The following DYNC1I2 variants were observed in gnomAD, a reference collection of about 807,000 sequenced individuals.
DYNC1I2 encodes the protein cytoplasmic dynein 1 intermediate chain 2.
In DYNC1I2, 53 loss-of-function variants were observed where a neutral mutation model predicts 88.6. The ratio of observed to expected loss-of-function variants is 0.60; its 90% CI spans 0.48 to 0.75. The LOEUF (loss-of-function observed/expected upper bound fraction) is 0.75. DYNC1I2 is among the 30% of genes least tolerant of loss of function. The pLI is 0.00. For missense variants in DYNC1I2, 458 were observed against 766.6 expected, an observed-to-expected ratio of 0.60 and a Z score of 4.75; for synonymous variants, 198 against 254.6, an observed-to-expected ratio of 0.78 and a Z score of 2.12.
At chr2:171,716,111 C>CA (rs531123301) in intron 7 of DYNC1I2, among the ~76,000 whole-genome samples, 82 of 145,164 alleles carry the variant, frequency 5.6e-4, no homozygotes, top group African/African-American at 1.3e-3. Context: ...TTATATCATA[C>CA]AAAAAAAAAA....
chr2:171,701,849 G>T (rs1228187270), intron 3 of DYNC1I2, among the ~76,000 whole-genome samples: 2 of 152,186 alleles, frequency 1.3e-5, no homozygotes, highest in East Asian at 3.8e-4. Context: ...AGGTTTTTCT[G>T]AGTGGGGCGG....
intron 5 of DYNC1I2, among the ~76,000 whole-genome samples, chr2:171,708,795 C>T (rs970913487): frequency 1.3e-5 from 2 of 151,998 alleles, no homozygotes; most frequent in Non-Finnish European, 2.9e-5. Flanking sequence ...TGGGCTCAAA[C>T]GATCCTCCCA....
chr2:171,726,244 A>C lies in DYNC1I2; in HGVS notation c.821A>C (p.Glu274Ala), dbSNP rs1390819275. ...TCATTAAATCGACAATTTTTTGACGAACGTTGGTCAAAGCATCGGGTGGTT... is the reference window on the plus strand; with the variant it reads ...TCATTAAATCGACAATTTTTTGACGCACGTTGGTCAAAGCATCGGGTGGTT... ...KLSLNRQFFD[E>A]RWSKHRVVSC... The change falls in exon 10 of 18, where the codon GAA becomes GCA. Residue 274 changes from glutamate (E) to alanine (A), a missense_variant. Around this residue, in one of 5 missense-constraint regions of DYNC1I2, gnomAD observed 203 missense variants for 354.2 expected, o/e 0.57. Transcript: ENST00000397119. 3 of 1,612,438 alleles carry C rather than the reference A, an allele frequency of 1.9e-6. No individual in the cohort carries two copies. The highest frequency in any genetic ancestry group is 2.5e-6 in the Non-Finnish European group (3 of 1,179,394).
rs185728168 is a variant in DYNC1I2 at position 171,733,098 on chromosome 2, G to A, written c.1536+3245G>A. On this transcript the variant is annotated intron_variant, in intron 15 of 17. Transcript: ENST00000397119. ...TATAAGTGAGAACATGTGGTATTTG[G>A]TTTTCTGTTCCTGCATTGGTTTGCT... Among the ~76,000 whole-genome samples the A allele has an allele frequency of 2.6e-5, 4 of 152,238 alleles. No homozygotes were observed. The East Asian group carries it at 5.8e-4, about 22-fold the overall frequency.
At chr2:171,729,589 C>A in intron 14 of DYNC1I2, 120 bp from the exon 15 acceptor site, 1 of 1,008,854 alleles carries the variant, frequency 9.9e-7, no homozygotes, top group Non-Finnish European at 1.4e-6. Flanking sequence ...AAGTTATGAG[C>A]ACAGAGTTAA....
rs142390719 is a variant in DYNC1I2, at chr2:171,714,244, T to C, written c.396-1084T>C. On this transcript the variant is annotated intron_variant, in intron 6 of 17. Transcript: ENST00000397119. The stretch of plus-strand genomic sequence containing the variant: ...AACTAGAAAAGACATTAAAAAATTG[T>C]TATGGCCCACATTTTGGAACATTAA... Among the ~76,000 whole-genome samples the C allele has an allele frequency of 8.1e-5, 12 of 148,016 alleles. No homozygotes were observed. In the East Asian group the frequency reaches 2.2e-3, roughly 27 times the overall value.
At chr2:171,734,980 C>T (rs768657268) in intron 15 of DYNC1I2, among the ~76,000 whole-genome samples, 1 of 152,224 alleles carries the variant, frequency 6.6e-6, no homozygotes, top group Non-Finnish European at 1.5e-5. Context: ...TCTTCACACT[C>T]ATGAATTTAA....
chr2:171,708,475 A>G (rs937918146), intron 5 of DYNC1I2, among the ~76,000 whole-genome samples: 1 of 152,184 alleles, frequency 6.6e-6, no homozygotes, highest in African/African-American at 2.4e-5. Flanking sequence ...TAGAACCAAA[A>G]TCACAAATCT....
At chr2:171,741,562 C>G (rs1689429732) in intron 15 of DYNC1I2, among the ~76,000 whole-genome samples, 1 of 152,184 alleles carries the variant, frequency 6.6e-6, no homozygotes, top group Non-Finnish European at 1.5e-5. Context: ...ATTGTAAGCA[C>G]TGTGGACACA....
rs369898794 is a variant in DYNC1I2 at position 171,747,829 on chromosome 2, A to T, written c.1857A>T (p.Ala619=). ...DEWARFGRTL[A]EINANRADAE... Reference sequence around the variant, plus strand: ...GGGCACGGTTTGGCCGAACACTTGCAGAAATTAATGCAAACCGAGCTGATG... The same window carrying T: ...GGGCACGGTTTGGCCGAACACTTGCTGAAATTAATGCAAACCGAGCTGATG... The change falls in exon 18 of 18, where the codon GCA becomes GCT. Residue 619 remains alanine, a synonymous_variant. Transcript: ENST00000397119. 1.9e-4 allele frequency: 301 copies of T among 1,611,534 alleles called. No individual in the cohort carries two copies. In the Middle Eastern group the frequency reaches 2.9e-3, roughly 15 times the overall value.
At position 171,715,354 on chromosome 2, in the gene DYNC1I2, C is replaced by G. The variant is rs1248838579; in HGVS notation, c.422C>G (p.Ala141Gly). The G allele has an allele frequency of 6.4e-7, 1 of 1,563,462 alleles. No individual in the cohort carries two copies. Among genetic ancestry groups the G allele is most frequent in the Admixed American group, 1.9e-5 (1 of 52,616 alleles). ...CGAGGACCTATTAAACTTGGAATGG[C>G]TAAAATCACGCAAGTCGACTTTCCT... ...LGRGPIKLGMAKITQVDFPPR... is the reference protein window; with the variant it reads ...LGRGPIKLGMGKITQVDFPPR... The change falls in exon 7 of 18, where the codon GCT becomes GGT. Residue 141 changes from alanine to glycine, a missense_variant. Physicochemically the swap from Ala to Gly is moderately conservative, Grantham distance 60. Coordinates refer to ENST00000397119, the MANE Select transcript of DYNC1I2 (RefSeq NM_001378.3).
At chr2:171,717,452 T>C (rs566584633) in intron 7 of DYNC1I2, among the ~76,000 whole-genome samples, 2 of 152,168 alleles carry the variant, frequency 1.3e-5, no homozygotes, top group South Asian at 4.2e-4. Context: ...GTAGATGTTC[T>C]GTATGTTCAT....
At chr2:171,739,855 GC>G (rs1375398900) in intron 15 of DYNC1I2, among the ~76,000 whole-genome samples, 1 of 151,606 alleles carries the variant, frequency 6.6e-6, no homozygotes, top group Non-Finnish European at 1.5e-5. Context: ...ACAGGCGCCC[GC>G]CACCATGCCT....
chr2:171,699,591 A>AGTGTGTGTGTGTGTGTGT (rs3223500), intron 3 of DYNC1I2, among the ~76,000 whole-genome samples: 3 of 137,822 alleles, frequency 2.2e-5, no homozygotes, highest in African/African-American at 5.5e-5. Flanking sequence ...CATCATTTGG[A>AGTGTGTGTGTGTGTGTGT]GTGTGTGTGT....
intron 16 of DYNC1I2, among the ~76,000 whole-genome samples, chr2:171,745,086 A>C (rs1431135800): frequency 6.6e-6 from 1 of 152,182 alleles, no homozygotes; most frequent in Non-Finnish European, 1.5e-5. Flanking sequence ...GACTAGTACA[A>C]ATTAGAAGGA....
intron 7 of DYNC1I2, among the ~76,000 whole-genome samples, chr2:171,723,203 C>T (rs563230421): frequency 8.1e-4 from 123 of 151,966 alleles, no homozygotes; most frequent in African/African-American, 2.8e-3. Flanking sequence ...ACTTAGAGGC[C>T]GTATAATACA....
chr2:171,700,127 C>T (rs574188628), intron 3 of DYNC1I2, among the ~76,000 whole-genome samples: 4 of 152,166 alleles, frequency 2.6e-5, no homozygotes, highest in South Asian at 4.1e-4. Flanking sequence ...GACTGAGGCT[C>T]GAGGACTTGC....
chr2:171,737,805 AT>A (rs71921844), intron 15 of DYNC1I2, among the ~76,000 whole-genome samples: 43,709 of 147,180 alleles, frequency 0.3, 6,587 homozygotes, highest in African/African-American at 0.38. Flanking sequence ...TGAGTAGATG[AT>A]TTTTTTTTTT....
At chr2:171,693,484 C>T (rs1424419569) in intron 3 of DYNC1I2, among the ~76,000 whole-genome samples, 1 of 152,214 alleles carries the variant, frequency 6.6e-6, no homozygotes, top group African/African-American at 2.4e-5. Flanking sequence ...ACAGGACAAT[C>T]TAGTTACATA....
Sources: gnomAD v4.1 joint callset for allele counts (sites outside exome capture counted in the v4.1 genomes callset) on GRCh38, gnomAD v4.1.1 for gene constraint, gnomAD v4.1.1 regional missense constraint, MANE v1.5 for transcripts, NCBI Gene and HGNC (gene_info 2026-07-23, HGNC 2026-07-21) for gene names.